The following VPS13B variants were observed in gnomAD, a reference collection of about 807,000 sequenced individuals.
The protein encoded by VPS13B is vacuolar protein sorting 13 homolog B, also known as intermembrane lipid transfer protein VPS13B.
Under a neutral mutation model 426.4 loss-of-function variants are expected in VPS13B, and 285 were observed. The observed-to-expected ratio is 0.67, with a 90% CI of 0.61 to 0.74. VPS13B has a LOEUF of 0.74. Among genes scored for constraint, VPS13B ranks in the 30% least tolerant of loss-of-function variants. The probability of loss-of-function intolerance (pLI) is 0.00; values close to 1 mark genes in which losing one functional copy is unlikely to be tolerated. For missense variants in VPS13B, 4,537 were observed against 4,782.6 expected, an observed-to-expected ratio of 0.95 and a Z score of 1.51; for synonymous variants, 1,676 against 1,676.4, an observed-to-expected ratio of 1.00 and a Z score of 0.01.
chr8:99,318,824 A>G (rs1444655849), intron 19 of VPS13B, among the ~76,000 whole-genome samples: 2 of 152,070 alleles, frequency 1.3e-5, no homozygotes. Flanking sequence ...CCCGCCCTAC[A>G]TGAATTTCTT....
At chr8:99,327,873 A>G (rs554750870) in intron 19 of VPS13B, among the ~76,000 whole-genome samples, 3 of 152,284 alleles carry the variant, frequency 2.0e-5, no homozygotes, top group African/African-American at 7.2e-5. Flanking sequence ...TTCTTGATTT[A>G]TAATGTAACA....
intron 19 of VPS13B, among the ~76,000 whole-genome samples, chr8:99,382,058 C>G (rs1251885803): frequency 2.6e-5 from 4 of 152,054 alleles, no homozygotes; most frequent in Non-Finnish European, 5.9e-5. Flanking sequence ...TTAGCCAATT[C>G]CAGCACCATT....
chr8:99,175,978 A>G (rs1812606355), intron 16 of VPS13B, among the ~76,000 whole-genome samples: 1 of 152,172 alleles, frequency 6.6e-6, no homozygotes, highest in Non-Finnish European at 1.5e-5. Flanking sequence ...TTTGTGTTGT[A>G]TCTGCTTAAA....
intron 28 of VPS13B, 135 bp downstream of exon 28, chr8:99,507,338 T>C: frequency 1.1e-6 from 1 of 938,858 alleles, no homozygotes; most frequent in Non-Finnish European, 1.6e-6. Context: ...TCTTCAAAAT[T>C]ACATATAAAT....
chr8:99,276,086 A>G (rs1234029110), intron 19 of VPS13B, among the ~76,000 whole-genome samples: 1 of 152,220 alleles, frequency 6.6e-6, no homozygotes, highest in East Asian at 1.9e-4. Context: ...GTTCAGCACT[A>G]GTATGTTCAA....
At chr8:99,568,587 G>C (rs1825311415) in intron 31 of VPS13B, among the ~76,000 whole-genome samples, 1 of 151,874 alleles carries the variant, frequency 6.6e-6, no homozygotes, top group African/African-American at 2.4e-5. Flanking sequence ...CACCATGCCT[G>C]GCCAACTATT....
chr8:99,323,316 G>T (rs979370362), intron 19 of VPS13B, among the ~76,000 whole-genome samples: 1 of 152,050 alleles, frequency 6.6e-6, no homozygotes, highest in Non-Finnish European at 1.5e-5. Context: ...TAGGAAAGTT[G>T]GTCATTTTCT....
intron 4 of VPS13B, among the ~76,000 whole-genome samples, chr8:99,100,550 A>G (rs973767667): frequency 2.0e-5 from 3 of 152,092 alleles, no homozygotes; most frequent in Non-Finnish European, 2.9e-5. Context: ...TCGGCCTCCC[A>G]AAGTGCTGGG....
chr8:99,446,311 C>G (rs1817918264), intron 23 of VPS13B, among the ~76,000 whole-genome samples: 1 of 152,026 alleles, frequency 6.6e-6, no homozygotes. Context: ...ATTAAAGATA[C>G]TGTTGTGCTG....
rs145424852 is a variant in VPS13B at position 99,430,164 on chromosome 8, C to G, written c.3083-1373C>G. ...ATATTGACAATGTCATAATATATGA[C>G]AATATAACTATGAGAAAGAAAAAGT... On this transcript the variant is annotated intron_variant, in intron 21 of 61. Transcript: ENST00000357162. Among the ~76,000 whole-genome samples, 964 of 152,022 alleles carry G rather than the reference C, an allele frequency of 6.3e-3. 8 individuals carry two copies. Among genetic ancestry groups the G allele is most frequent in the African/African-American group, 0.022 (905 of 41,448 alleles).
intron 21 of VPS13B, among the ~76,000 whole-genome samples, chr8:99,404,071 A>C (rs191289197): frequency 7.2e-5 from 11 of 152,278 alleles, no homozygotes; most frequent in African/African-American, 2.6e-4. Context: ...TGCTTAGCAC[A>C]ATGTATTAAT....
chr8:99,098,305 T>A (rs1306262176), intron 4 of VPS13B, among the ~76,000 whole-genome samples: 1 of 152,110 alleles, frequency 6.6e-6, no homozygotes, highest in Non-Finnish European at 1.5e-5. Context: ...CCGGTTAACA[T>A]TGTGGTGTAC....
At chr8:99,704,546 T>C (rs1342281072) in intron 36 of VPS13B, among the ~76,000 whole-genome samples, 1 of 152,316 alleles carries the variant, frequency 6.6e-6, no homozygotes, top group South Asian at 2.1e-4. Context: ...CAAAGACTTT[T>C]GTTACTTTTA....
chr8:99,467,696 C>A, intron 24 of VPS13B, 62 bp downstream of exon 24: 2 of 1,535,926 alleles, frequency 1.3e-6, no homozygotes, highest in Non-Finnish European at 1.8e-6. Flanking sequence ...CAATTGTTAT[C>A]CATTTTGTTG....
chr8:99,222,299 C>T (rs1815768259), intron 17 of VPS13B, among the ~76,000 whole-genome samples: 1 of 152,194 alleles, frequency 6.6e-6, no homozygotes, highest in Non-Finnish European at 1.5e-5. Context: ...CTTCCCAGTT[C>T]ACCCCCAATA....
At position 99,737,103 on chromosome 8, in the gene VPS13B, CTTCTTTT is replaced by C. The variant is rs1453185537; in HGVS notation, c.7050+16059_7050+16065del. Among the ~76,000 whole-genome samples, 49 of 50,682 alleles carry C rather than the reference CTTCTTTT, an allele frequency of 9.7e-4. 1 individual carries two copies. Among genetic ancestry groups the C allele is most frequent in the African/African-American group, 3.8e-3 (44 of 11,632 alleles). 33.2% of individuals were successfully genotyped at this position (50,682 alleles called of 152,430 possible). A position where few individuals can be genotyped will look rare whatever the true frequency, so the allele number is the denominator to read the frequency against. ...TTTCAGGAAAGCCTTTGAAGATGTC[CTTCTTTT>C]TTTTTTTTTTTTTTTTTTTTTTTTT... On this transcript the variant is annotated intron_variant, in intron 39 of 61. Coordinates refer to ENST00000357162, the MANE Select transcript of VPS13B (RefSeq NM_152564.5).
intron 5 of VPS13B, among the ~76,000 whole-genome samples, chr8:99,103,790 C>A (rs951802121): frequency 6.6e-6 from 1 of 151,954 alleles, no homozygotes; most frequent in African/African-American, 2.4e-5. Flanking sequence ...TGAGCCACTG[C>A]GCCTGGCCAA....
At chr8:99,352,732 T>A (rs1447349477) in intron 19 of VPS13B, among the ~76,000 whole-genome samples, 2 of 151,320 alleles carry the variant, frequency 1.3e-5, no homozygotes, top group Non-Finnish European at 2.9e-5. Context: ...GCTGAGGCCA[T>A]AGAATCGCTT....
chr8:99,507,762 A>G (rs1821576929), intron 28 of VPS13B: 1 of 1,613,836 alleles, frequency 6.2e-7, no homozygotes, highest in Non-Finnish European at 8.5e-7. Flanking sequence ...CCTGTCCATC[A>G]CTTCAAGCCT....
Sources: gnomAD v4.1 joint callset for allele counts (sites outside exome capture counted in the v4.1 genomes callset) on GRCh38, gnomAD v4.1.1 for gene constraint, MANE v1.5 for transcripts, NCBI Gene and HGNC (gene_info 2026-07-23, HGNC 2026-07-21) for gene names.